SAMD12: variants seen among roughly 807,000 people sequenced by gnomAD.
SAMD12 encodes the protein sterile alpha motif domain containing 12.
A neutral mutation model predicts 15.0 loss-of-function variants in SAMD12; 9 were observed. The ratio of observed to expected loss-of-function variants is 0.60; its 90% CI spans 0.36 to 1.05. The LOEUF (loss-of-function observed/expected upper bound fraction) is 1.05, where lower values mean the gene tolerates loss of function less well. Among genes scored for constraint, SAMD12 ranks in the 50% least tolerant of loss-of-function variants. The probability of loss-of-function intolerance (pLI) is 0.01; values close to 1 mark genes in which losing one functional copy is unlikely to be tolerated. For synonymous variants in SAMD12, 86 were observed against 90.1 expected, an observed-to-expected ratio of 0.96 and a Z score of 0.25; for missense variants, 230 against 234.2, an observed-to-expected ratio of 0.98 and a Z score of 0.12.
chr8:118,308,450 C>T (rs570409491), intron 4 of SAMD12, among the ~76,000 whole-genome samples: 30 of 152,276 alleles, frequency 2.0e-4, no homozygotes, highest in African/African-American at 7.2e-4. Flanking sequence ...CACTGCTTCA[C>T]TCCCATTTTG....
Position 118,383,244 on chromosome 8 carries a change from C to A in SAMD12, c.323-3544G>T, listed in dbSNP as rs969992922. 2.0e-5 allele frequency among the ~76,000 whole-genome samples: 3 copies of A among 152,288 alleles called. No homozygotes were observed. The South Asian group carries it at 6.2e-4, about 32-fold the overall frequency. ...TGGGTACAGTGATGAACACAGCAGA[C>A]AGGGTCACTTTTGAAGCCTTCAGGC... On this transcript the variant is annotated intron_variant, in intron 3 of 3. Transcript: ENST00000314727.
chr8:118,341,144 C>A (rs571928482), intron 4 of SAMD12, among the ~76,000 whole-genome samples: 2 of 152,288 alleles, frequency 1.3e-5, no homozygotes, highest in Admixed American at 6.5e-5. Context: ...TCTTTCTCCA[C>A]ATGGTGTTTC....
At chr8:118,269,188 C>T (rs1813276369) in intron 4 of SAMD12, among the ~76,000 whole-genome samples, 2 of 129,552 alleles carry the variant, frequency 1.5e-5, no homozygotes, top group Admixed American at 7.9e-5. Context: ...TTCTTCTTTG[C>T]TTTTGTTCTC....
chr8:118,230,871 G>T (rs533424200), intron 4 of SAMD12, among the ~76,000 whole-genome samples: 2 of 152,222 alleles, frequency 1.3e-5, no homozygotes, highest in South Asian at 4.2e-4. Context: ...GTGGGCTTGT[G>T]GGTGACGACA....
At chr8:118,430,448 C>T (rs543948224) in intron 3 of SAMD12, among the ~76,000 whole-genome samples, 60 of 151,558 alleles carry the variant, frequency 4.0e-4, no homozygotes, top group Non-Finnish European at 5.3e-4. Context: ...CTGCAACCTC[C>T]GCCTCCCAGG....
At chr8:118,286,603 T>C (rs117802337) in intron 4 of SAMD12, among the ~76,000 whole-genome samples, 2 of 152,314 alleles carry the variant, frequency 1.3e-5, no homozygotes, top group Non-Finnish European at 2.9e-5. Context: ...GGCAGGGTTC[T>C]CCATGCTCCC....
At chr8:118,439,257 T>C (rs549400798) in intron 3 of SAMD12, among the ~76,000 whole-genome samples, 1 of 152,272 alleles carries the variant, frequency 6.6e-6, no homozygotes, top group African/African-American at 2.4e-5. Context: ...GAGTTAGTAT[T>C]ATTATATTCC....
chr8:118,316,852 A>C (rs1586508220), intron 4 of SAMD12, among the ~76,000 whole-genome samples: 5 of 129,276 alleles, frequency 3.9e-5, no homozygotes, highest in African/African-American at 9.1e-5. Flanking sequence ...ATGGAGTCTC[A>C]CTCTGTTGCC....
chr8:118,532,448 C>T (rs1825716762), intron 2 of SAMD12, among the ~76,000 whole-genome samples: 1 of 152,116 alleles, frequency 6.6e-6, no homozygotes, highest in South Asian at 2.1e-4. Flanking sequence ...TGAGGCTGGC[C>T]TCACAAAATG....
chr8:118,328,060 A>G (rs1816644298), intron 4 of SAMD12, among the ~76,000 whole-genome samples: 1 of 152,216 alleles, frequency 6.6e-6, no homozygotes, highest in African/African-American at 2.4e-5. Flanking sequence ...ATTCCTGATT[A>G]TATCTTGGCT....
At chr8:118,323,734 A>G (rs923847492) in intron 4 of SAMD12, among the ~76,000 whole-genome samples, 6 of 152,074 alleles carry the variant, frequency 3.9e-5, no homozygotes, top group Non-Finnish European at 7.4e-5. Flanking sequence ...ACGCCACTGC[A>G]CTCCAGCCTG....
chr8:118,433,504 A>G (rs1035075953), intron 3 of SAMD12, among the ~76,000 whole-genome samples: 1 of 152,078 alleles, frequency 6.6e-6, no homozygotes, highest in Non-Finnish European at 1.5e-5. Context: ...TGAATCATCA[A>G]GAAAACGAAG....
the SAMD12 span, among the ~76,000 whole-genome samples, chr8:118,140,690 T>C: frequency 6.6e-6 from 1 of 152,228 alleles, no homozygotes; most frequent in African/African-American, 2.4e-5. Context: ...CACAACTATT[T>C]CATTTGCTCT....
At chr8:118,493,731 A>G (rs1237118174) in intron 2 of SAMD12, among the ~76,000 whole-genome samples, 1 of 152,146 alleles carries the variant, frequency 6.6e-6, no homozygotes, top group African/African-American at 2.4e-5. Flanking sequence ...ACATAACCTG[A>G]ACATGCCCAG....
chr8:118,168,300 A>G, the SAMD12 span, among the ~76,000 whole-genome samples: 5 of 152,182 alleles, frequency 3.3e-5, no homozygotes, highest in Non-Finnish European at 7.3e-5. Context: ...GAATGGGGTC[A>G]GGGTACTTAT....
intron 4 of SAMD12, among the ~76,000 whole-genome samples, chr8:118,229,610 T>C (rs1212095486): frequency 1.3e-5 from 2 of 152,210 alleles, no homozygotes; most frequent in African/African-American, 4.8e-5. Flanking sequence ...GTGTTGACTA[T>C]AATGAAAAAG....
intron 4 of SAMD12, among the ~76,000 whole-genome samples, chr8:118,234,539 G>C (rs557168625): frequency 2.0e-5 from 3 of 151,644 alleles, no homozygotes; most frequent in Non-Finnish European, 2.9e-5. Flanking sequence ...GTGAAACCCC[G>C]TCTCTACTGA....
At chr8:118,465,243 A>G (rs1267812880) in intron 2 of SAMD12, among the ~76,000 whole-genome samples, 1 of 152,236 alleles carries the variant, frequency 6.6e-6, no homozygotes, top group Non-Finnish European at 1.5e-5. Flanking sequence ...GGTGAGAACC[A>G]CTGAACTGGG....
intron 2 of SAMD12, among the ~76,000 whole-genome samples, chr8:118,558,290 T>C (rs186802747): frequency 1.5e-3 from 231 of 152,300 alleles, no homozygotes; most frequent in Non-Finnish European, 2.6e-3. Context: ...ATATTTTCTT[T>C]ATGTGGTCTA....
Sources: allele counts gnomAD v4.1 joint callset (sites outside exome capture counted in the v4.1 genomes callset), GRCh38; gene constraint gnomAD v4.1.1; transcripts MANE v1.5; gene names NCBI Gene and HGNC (gene_info 2026-07-23, HGNC 2026-07-21).